Variants in TMEM223 observed in about 807,000 individuals in gnomAD.
TMEM223 encodes the protein transmembrane protein 223.
Under a neutral mutation model 14.1 loss-of-function variants are expected in TMEM223, and 14 were observed. The ratio of observed to expected loss-of-function variants is 0.99; its 90% CI spans 0.66 to 1.55. The LOEUF is 1.55. TMEM223 is among the 40% of genes most tolerant of loss of function. The pLI is 0.00. For synonymous variants in TMEM223, 145 were observed against 120.5 expected, an observed-to-expected ratio of 1.20 and a Z score of -1.33; for missense variants, 346 against 269.9, an observed-to-expected ratio of 1.28 and a Z score of -1.97.
chr11:62,773,074 C>T (rs2084161641), intron 2 of TMEM223, among the ~76,000 whole-genome samples: 1 of 151,800 alleles, frequency 6.6e-6, no homozygotes, highest in Admixed American at 6.6e-5. Context: ...ATCTCCTGAC[C>T]TCGTGATCCA....
At chr11:62,789,632 C>T, downstream of TMEM223, 1 of 1,548,606 alleles carries the variant, frequency 6.5e-7, no homozygotes, top group South Asian at 1.3e-5. Context: ...TCCATGGACA[C>T]CCCCTGGAAC....
At chr11:62,781,283 C>T (rs542086888) in intron 1 of TMEM223, among the ~76,000 whole-genome samples, 4 of 151,932 alleles carry the variant, frequency 2.6e-5, no homozygotes, top group South Asian at 2.1e-4. Context: ...ATTCCTCCAC[C>T]TACTTTTTTT....
chr11:62,774,787 A>G lies in TMEM223; in HGVS notation c.315-122T>C, dbSNP rs138365203. 5.4e-5 allele frequency: 19 copies of G among 350,948 alleles called. No homozygotes were observed. In the East Asian group the frequency reaches 1.7e-3, roughly 31 times the overall value. The allele number at this position is 350,948 out of a possible 1,614,324, so 21.7% of individuals were successfully genotyped here. ...AACATGGCGAAATCTTGTTTCTACT[A>G]AAAATACAAAAATTAGCTGGGCGTG... On this transcript the variant is annotated intron_variant, in intron 1 of 2. Coordinates refer to the TMEM223 transcript ENST00000528367.
chr11:62,774,810 G>A (rs1406741955), intron 1 of TMEM223: 3 of 326,164 alleles, frequency 9.2e-6, no homozygotes, highest in South Asian at 2.3e-5. Context: ...TTAGCTGGGC[G>A]TGGTGGCACG....
intron 1 of TMEM223, chr11:62,774,791 A>C: frequency 2.9e-6 from 1 of 349,954 alleles, no homozygotes; most frequent in Non-Finnish European, 6.0e-6. Context: ...TCTACTAAAA[A>C]TACAAAAATT....
chr11:62,791,053 C>G (rs2084355543), intron 1 of TMEM223, 138 bp from the exon 2 acceptor site: 1 of 899,884 alleles, frequency 1.1e-6, no homozygotes, highest in Admixed American at 3.0e-5. Context: ...GACTGAGTCT[C>G]ACTCTGCCGG....
chr11:62,787,365 C>T (rs1374163853), downstream of TMEM223: 17 of 1,537,762 alleles, frequency 1.1e-5, no homozygotes, highest in South Asian at 8.4e-5. Context: ...CTTCGTGGGT[C>T]GCGCCGGATA....
chr11:62,782,411 T>C lies in TMEM223; in HGVS notation c.315-7746A>G. Reference sequence around the variant, plus strand: ...TGGGGTAAGGAAATGGGGCGAAGCCTCTGGCTTTGAGAGTCTATGAGAAGA... The same window carrying C: ...TGGGGTAAGGAAATGGGGCGAAGCCCCTGGCTTTGAGAGTCTATGAGAAGA... On this transcript the variant is annotated intron_variant, in intron 1 of 2. Transcript: ENST00000528367. 5 of 1,479,432 alleles carry C rather than the reference T, an allele frequency of 3.4e-6. No homozygotes were observed. In the South Asian group the frequency reaches 4.9e-5, roughly 15 times the overall value. The allele number at this position is 1,479,432 out of a possible 1,614,324, so 91.6% of individuals were successfully genotyped here.
At chr11:62,787,369 C>A, downstream of TMEM223, 1 of 1,540,176 alleles carries the variant, frequency 6.5e-7, no homozygotes, top group South Asian at 1.2e-5. Flanking sequence ...GTGGGTCGCG[C>A]CGGATAAGGT....
downstream of TMEM223, chr11:62,789,213 G>T: frequency 6.2e-7 from 1 of 1,614,080 alleles, no homozygotes. Flanking sequence ...TCCCACAGGT[G>T]ACTGCCTAAC....
rs367692111 is a variant in TMEM223 at position 62,778,404 on chromosome 11, A to G, written c.315-3739T>C. ...CCCTTAGGTTCTGAGGGTGGTGCCT[A>G]TGTGCCCCCGAGTCTGCGTCTAACA... On this transcript the variant is annotated intron_variant, in intron 1 of 2. Transcript: ENST00000528367. 52 of 1,571,968 alleles carry G rather than the reference A, an allele frequency of 3.3e-5. 1 individual carries two copies. Among genetic ancestry groups the G allele is most frequent in the Middle Eastern group, 3.3e-4 (2 of 6,004 alleles).
intron 1 of TMEM223, chr11:62,775,607 TG>T (rs1359816005): frequency 1.4e-6 from 1 of 700,256 alleles, no homozygotes; most frequent in Non-Finnish European, 2.3e-6. Context: ...CTGGCCAGTC[TG>T]TTTCCTTCTC....
rs768298375 is a variant in TMEM223 at position 62,778,061 on chromosome 11, G to C, written c.315-3396C>G. 2.5e-6 allele frequency: 4 copies of C among 1,614,204 alleles called. No individual in the cohort carries two copies. In the South Asian group the frequency reaches 4.4e-5, roughly 18 times the overall value. On this transcript the variant is annotated intron_variant, in intron 1 of 2. Coordinates refer to the TMEM223 transcript ENST00000528367. ...AACTCTACTTTCCTGAGGATCGAGA[G>C]GTGAACCTGGTGGAGCTGGCCCTGG... is the stretch of plus-strand genomic sequence containing the variant.
At position 62,791,901 on chromosome 11, in the gene TMEM223, G is replaced by A; in HGVS notation, c.94C>T (p.Arg32Trp). ...CRPLQGTTLQ[R>W]DVLLFEHDRG... The stretch of plus-strand genomic sequence containing the variant: ...TCATGCTCAAAGAGCAGCACATCCC[G>A]TTGCAGCGTCGTGCCTTGCAGGGGC... Residue 32 changes from arginine to tryptophan, a missense_variant, in exon 1 of 2, where the codon CGG becomes TGG. Transcript: ENST00000307366. 6.2e-7 allele frequency: 1 copy of A among 1,600,784 alleles called. No homozygotes were observed. The highest frequency in any genetic ancestry group is 8.5e-7 in the Non-Finnish European group (1 of 1,174,216).
At chr11:62,787,462 C>A, downstream of TMEM223, 1 of 1,574,898 alleles carries the variant, frequency 6.3e-7, no homozygotes, top group Admixed American at 1.7e-5. Context: ...GCGCGTCGAG[C>A]TTGCGCTCTT....
At chr11:62,776,625 C>T (rs375801215) in intron 1 of TMEM223, among the ~76,000 whole-genome samples, 3 of 151,972 alleles carry the variant, frequency 2.0e-5, no homozygotes, top group South Asian at 2.1e-4. Context: ...CCGAGGTGGG[C>T]GGATCACTTG....
chr11:62,773,612 T>C (rs975120631), intron 2 of TMEM223, among the ~76,000 whole-genome samples: 3 of 152,228 alleles, frequency 2.0e-5, no homozygotes, highest in Non-Finnish European at 2.9e-5. Context: ...CACACCTGGC[T>C]AATTTTGTAT....
chr11:62,782,384 G>A (rs2084236969), intron 1 of TMEM223: 1 of 1,579,196 alleles, frequency 6.3e-7, no homozygotes. Context: ...AGCCAAGTGG[G>A]TTGGGGTAAG....
At chr11:62,773,883 G>A (rs2084167256) in intron 2 of TMEM223, among the ~76,000 whole-genome samples, 1 of 152,124 alleles carries the variant, frequency 6.6e-6, no homozygotes, top group African/African-American at 2.4e-5. Flanking sequence ...GATTGGGGGT[G>A]GAGGACAGGG....
Sources: gnomAD v4.1 joint callset for allele counts (sites outside exome capture counted in the v4.1 genomes callset) on GRCh38, gnomAD v4.1.1 for gene constraint, MANE v1.5 for transcripts, NCBI Gene and HGNC (gene_info 2026-07-23, HGNC 2026-07-21) for gene names.